RETREG1: variants seen among roughly 807,000 people sequenced by gnomAD.
RETREG1 encodes reticulophagy regulator 1.
Under a neutral mutation model 54.8 loss-of-function variants are expected in RETREG1, and 44 were observed. The ratio of observed to expected loss-of-function variants is 0.80; its 90% confidence interval spans 0.63 to 1.03. RETREG1 has a LOEUF of 1.03. Ranked by LOEUF, RETREG1 falls within the 50% of genes least tolerant of loss-of-function variation. The probability of loss-of-function intolerance (pLI) is 0.00; values close to 1 mark genes in which losing one functional copy is unlikely to be tolerated. For synonymous variants in RETREG1, 217 were observed against 238.5 expected, an observed-to-expected ratio of 0.91 and a Z score of 0.83; for missense variants, 554 against 605.1, an observed-to-expected ratio of 0.92 and a Z score of 0.89.
At chr5:16,478,704 T>A (rs1738640113) in intron 6 of RETREG1, 146 bp downstream of exon 6, 1 of 702,222 alleles carries the variant, frequency 1.4e-6, no homozygotes, top group Admixed American at 2.7e-5. Flanking sequence ...AGGAAAAGGA[T>A]ATATATAACT....
At chr5:16,578,258 CACTT>C (rs1579702808) in intron 1 of RETREG1, among the ~76,000 whole-genome samples, 1 of 152,056 alleles carries the variant, frequency 6.6e-6, no homozygotes, top group African/African-American at 2.4e-5. Context: ...CAAAACTAAT[CACTT>C]AATAAAGCAA....
At chr5:16,606,123 G>A (rs1451527681) in intron 1 of RETREG1, among the ~76,000 whole-genome samples, 1 of 152,158 alleles carries the variant, frequency 6.6e-6, no homozygotes, top group African/African-American at 2.4e-5. Context: ...GTGCCATGGA[G>A]ACAGGAAGAG....
intron 3 of RETREG1, among the ~76,000 whole-genome samples, chr5:16,531,369 G>T (rs1740910233): frequency 6.6e-6 from 1 of 152,140 alleles, no homozygotes; most frequent in South Asian, 2.1e-4. Context: ...GACATAGTTT[G>T]GTGAAATGAC....
intron 3 of RETREG1, among the ~76,000 whole-genome samples, chr5:16,556,352 G>A (rs1741708700): frequency 6.6e-6 from 1 of 151,948 alleles, no homozygotes; most frequent in Admixed American, 6.6e-5. Flanking sequence ...AGTAGAGACG[G>A]GGTTTCACTG....
At chr5:16,601,873 A>C (rs1272759623) in intron 1 of RETREG1, among the ~76,000 whole-genome samples, 1 of 152,200 alleles carries the variant, frequency 6.6e-6, no homozygotes, top group Non-Finnish European at 1.5e-5. Context: ...GAGAAAAACC[A>C]GGTCATCTAT....
At position 16,478,105 on chromosome 5, in the gene RETREG1, A is replaced by C; in HGVS notation, c.809-7T>G. Reference sequence around the variant, plus strand: ...CTTTTTTCTTTGTCTGCTTCTGTTGAGGAAAAAATTTGGAAGCTTTCAGTT... The same window carrying C: ...CTTTTTTCTTTGTCTGCTTCTGTTGCGGAAAAAATTTGGAAGCTTTCAGTT... On this transcript the variant is annotated splice_polypyrimidine_tract_variant and splice_region_variant and intron_variant, in intron 6 of 8. Transcript: ENST00000306320. The C allele has an allele frequency of 6.2e-7, 1 of 1,607,494 alleles. No homozygotes were observed. The highest frequency in any genetic ancestry group is 8.5e-7 in the Non-Finnish European group (1 of 1,174,956).
At chr5:16,562,694 G>A (rs914652180) in intron 3 of RETREG1, among the ~76,000 whole-genome samples, 3 of 152,094 alleles carry the variant, frequency 2.0e-5, no homozygotes, top group African/African-American at 7.2e-5. Flanking sequence ...CTAATCATGA[G>A]AAAAACATCA....
intron 3 of RETREG1, among the ~76,000 whole-genome samples, chr5:16,548,137 T>A (rs996169865): frequency 6.6e-6 from 1 of 152,164 alleles, no homozygotes; most frequent in Non-Finnish European, 1.5e-5. Context: ...TGTAAAAAAA[T>A]TCATATCAGA....
At chr5:16,529,589 T>C (rs1740847314) in intron 3 of RETREG1, among the ~76,000 whole-genome samples, 1 of 152,208 alleles carries the variant, frequency 6.6e-6, no homozygotes, top group Admixed American at 6.5e-5. Context: ...GAAACACTGT[T>C]TTCATATGTC....
At chr5:16,528,417 A>C (rs1579650918) in intron 3 of RETREG1, among the ~76,000 whole-genome samples, 1 of 152,194 alleles carries the variant, frequency 6.6e-6, no homozygotes, top group Admixed American at 6.5e-5. Flanking sequence ...TTGGCAATGA[A>C]AAGGGGACGG....
chr5:16,500,551 G>A (rs961580918), intron 3 of RETREG1, among the ~76,000 whole-genome samples: 2 of 152,036 alleles, frequency 1.3e-5, no homozygotes, highest in Non-Finnish European at 2.9e-5. Context: ...CCTCCAAATG[G>A]CTCAATCAGA....
intron 3 of RETREG1, among the ~76,000 whole-genome samples, chr5:16,542,843 A>G (rs1741288202): frequency 6.6e-6 from 1 of 152,212 alleles, no homozygotes; most frequent in East Asian, 1.9e-4. Context: ...TTATTGATGT[A>G]TAACTGACCT....
rs1680071993 is a variant in RETREG1, at chr5:16,585,943, C to T, written c.321-13841G>A. Among the ~76,000 whole-genome samples the T allele has an allele frequency of 6.6e-6, 1 of 152,124 alleles. No individual in the cohort carries two copies. On this transcript the variant is annotated intron_variant, in intron 1 of 8. Transcript: ENST00000306320. This position sits in a 1 kb window ranked among gnomAD's most constrained non-coding sequence, Gnocchi z 4.5. ...ACCCCCATCACCCAAACACCTCCCA[C>T]CACACCCCACCTCCAACACTGGGGA...
chr5:16,565,918 C>T (rs1173963385), intron 2 of RETREG1, 125 bp from the exon 3 acceptor site: 1 of 1,007,322 alleles, frequency 9.9e-7, no homozygotes, highest in Non-Finnish European at 1.5e-6. Flanking sequence ...CTCAGGACAC[C>T]ATCAAGTCAT....
intron 3 of RETREG1, among the ~76,000 whole-genome samples, chr5:16,518,131 TATTTATATATA>T (rs1740417592): frequency 1.3e-5 from 2 of 148,170 alleles, no homozygotes; most frequent in African/African-American, 4.9e-5. Flanking sequence ...TAATTGTATA[TATTTATATATA>T]ATCAATATAT....
chr5:16,523,837 T>C (rs551323932), intron 3 of RETREG1, among the ~76,000 whole-genome samples: 23 of 152,172 alleles, frequency 1.5e-4, no homozygotes, highest in Non-Finnish European at 3.1e-4. Flanking sequence ...GACTCGTGTG[T>C]TTTCACATAC....
intron 2 of RETREG1, 111 bp downstream of exon 2, chr5:16,571,885 C>T: frequency 1.3e-6 from 1 of 755,736 alleles, no homozygotes; most frequent in East Asian, 2.7e-5. Flanking sequence ...AAGTCAATGC[C>T]TATATTTGCT....
At chr5:16,589,719 G>A (rs181116926) in intron 1 of RETREG1, among the ~76,000 whole-genome samples, 33 of 152,274 alleles carry the variant, frequency 2.2e-4, no homozygotes, top group African/African-American at 7.0e-4. Context: ...AACCATGGCC[G>A]TCAATTCCAG....
chr5:16,535,824 G>A (rs113442404), intron 3 of RETREG1, among the ~76,000 whole-genome samples: 51 of 97,136 alleles, frequency 5.3e-4, no homozygotes, highest in African/African-American at 1.6e-3. Flanking sequence ...CTGCCTTCAC[G>A]AAGTGGGAGC....
Sources: gnomAD v4.1 joint callset for allele counts (sites outside exome capture counted in the v4.1 genomes callset) on GRCh38, gnomAD v4.1.1 for gene constraint, Gnocchi (gnomAD v3.1) non-coding constraint, MANE v1.5 for transcripts, NCBI Gene and HGNC (gene_info 2026-07-23, HGNC 2026-07-21) for gene names.